The following MDGA2 variants were observed in gnomAD, a reference collection of about 807,000 sequenced individuals.
MDGA2 encodes the protein MAM domain-containing glycosylphosphatidylinositol anchor protein 2.
In MDGA2, 40 loss-of-function variants were observed where a neutral mutation model predicts 117.8. The ratio of observed to expected loss-of-function variants is 0.34; its 90% CI spans 0.26 to 0.44. The LOEUF is 0.44. Ranked by LOEUF, MDGA2 falls within the 20% of genes least tolerant of loss-of-function variation. The pLI is 1.00. For missense variants in MDGA2, 1,123 were observed against 1,250.6 expected (o/e 0.90, Z 1.54); for synonymous variants, 452 against 439.0 (o/e 1.03, Z -0.37).
intron 3 of MDGA2, among the ~76,000 whole-genome samples, chr14:47,175,308 C>T (rs1218490013): frequency 2.0e-5 from 3 of 151,806 alleles, no homozygotes; most frequent in Admixed American, 6.6e-5. Context: ...ATGAGGCCAG[C>T]ATCATCCTGA....
At chr14:47,286,353 C>G (rs1888669669) in intron 2 of MDGA2, among the ~76,000 whole-genome samples, 1 of 152,046 alleles carries the variant, frequency 6.6e-6, no homozygotes, top group Admixed American at 6.6e-5. Context: ...GTTTTACACA[C>G]TAACCAAACC....
At chr14:47,094,432 AT>A (rs1439683761) in intron 6 of MDGA2, among the ~76,000 whole-genome samples, 1 of 152,022 alleles carries the variant, frequency 6.6e-6, no homozygotes, top group Non-Finnish European at 1.5e-5. Context: ...CTAGGCACAT[AT>A]TTGTTGTTCA....
At chr14:47,528,279 C>T (rs1165456367) in intron 1 of MDGA2, among the ~76,000 whole-genome samples, 1 of 152,216 alleles carries the variant, frequency 6.6e-6, no homozygotes, top group African/African-American at 2.4e-5. Context: ...CAAATTTAAT[C>T]AGTGCTTATC....
chr14:47,609,456 T>TATATAGATATAG lies in MDGA2; in HGVS notation c.280+65060_280+65061insCTATATCTATAT, dbSNP rs1555336057. Among the ~76,000 whole-genome samples, 30 of 110,162 alleles carry TATATAGATATAG rather than the reference T, an allele frequency of 2.7e-4. 3 individuals carry two copies. Among genetic ancestry groups the TATATAGATATAG allele is most frequent in the Admixed American group, 1.5e-3 (17 of 11,184 alleles). 72.3% of individuals were successfully genotyped at this position (110,162 alleles called of 152,430 possible). ...ATATATATATATATATATATATATA[T>TATATAGATATAG]ATATATATAAGTTTCTTTATCTACT... is the stretch of plus-strand genomic sequence containing the variant. On this transcript the variant is annotated intron_variant, in intron 1 of 16. Transcript: ENST00000399232.
chr14:47,038,042 G>A (rs1454617224), intron 7 of MDGA2, among the ~76,000 whole-genome samples: 1 of 152,084 alleles, frequency 6.6e-6, no homozygotes, highest in East Asian at 1.9e-4. Flanking sequence ...TGATTGTTCT[G>A]CCTCAGCCTC....
intron 3 of MDGA2, among the ~76,000 whole-genome samples, chr14:47,166,320 C>T (rs1378695891): frequency 6.6e-6 from 1 of 152,154 alleles, no homozygotes; most frequent in Non-Finnish European, 1.5e-5. Context: ...AGGCGTGAGC[C>T]ATGGCGCCCC....
At chr14:46,972,553 T>C (rs985202836) in intron 8 of MDGA2, among the ~76,000 whole-genome samples, 1 of 152,174 alleles carries the variant, frequency 6.6e-6, no homozygotes, top group Admixed American at 6.6e-5. Context: ...ATCTCCTTTT[T>C]ATAGATAAGG....
At chr14:47,465,443 G>A (rs1893582089) in intron 1 of MDGA2, among the ~76,000 whole-genome samples, 1 of 151,774 alleles carries the variant, frequency 6.6e-6, no homozygotes, top group Non-Finnish European at 1.5e-5. Flanking sequence ...TCTGACAAAG[G>A]TCTAATATCC....
rs924397959 is a variant in MDGA2 at position 47,076,210 on chromosome 14, T to G, written c.1196-14632A>C. 3.3e-5 allele frequency among the ~76,000 whole-genome samples: 5 copies of G among 152,114 alleles called. No homozygotes were observed. The East Asian group carries it at 7.7e-4, about 23-fold the overall frequency. On this transcript the variant is annotated intron_variant, in intron 6 of 16. Transcript: ENST00000399232. ...AAACTTGTACAATATTTTTTAAGTTTAATTATAACAGATGAACTGTCTTTC... is the reference window on the plus strand; with the variant it reads ...AAACTTGTACAATATTTTTTAAGTTGAATTATAACAGATGAACTGTCTTTC...
At chr14:47,007,240 G>C (rs1467466586) in intron 8 of MDGA2, among the ~76,000 whole-genome samples, 1 of 151,704 alleles carries the variant, frequency 6.6e-6, no homozygotes, top group Non-Finnish European at 1.5e-5. Flanking sequence ...GTTATGTATT[G>C]AACAAGCAGA....
intron 2 of MDGA2, among the ~76,000 whole-genome samples, chr14:47,224,632 G>A (rs1003183177): frequency 6.6e-6 from 1 of 152,074 alleles, no homozygotes; most frequent in Non-Finnish European, 1.5e-5. Flanking sequence ...GTACTCTGAA[G>A]GAAGATCCTT....
At chr14:46,880,503 C>G (rs971461487) in intron 11 of MDGA2, among the ~76,000 whole-genome samples, 3 of 151,634 alleles carry the variant, frequency 2.0e-5, no homozygotes, top group African/African-American at 7.3e-5. Flanking sequence ...CTTTAGTATA[C>G]AGTAAAATAA....
At chr14:46,870,951 A>T (rs1232786165) in intron 14 of MDGA2, 1 of 151,982 alleles carries the variant, frequency 6.6e-6, no homozygotes, top group Non-Finnish European at 1.5e-5. Context: ...TGGTCTTGGA[A>T]ATATTTATTT....
chr14:46,857,726 C>T (rs1377021295), intron 14 of MDGA2, among the ~76,000 whole-genome samples: 4 of 152,038 alleles, frequency 2.6e-5, no homozygotes, highest in African/African-American at 9.7e-5. Flanking sequence ...GCCATGGCAC[C>T]TCACAGCAGC....
intron 1 of MDGA2, among the ~76,000 whole-genome samples, chr14:47,664,725 C>T (rs1182871103): frequency 6.6e-6 from 1 of 152,226 alleles, no homozygotes; most frequent in Non-Finnish European, 1.5e-5. Flanking sequence ...AGTGGCTGTA[C>T]ATTCGTAAAG....
intron 3 of MDGA2, among the ~76,000 whole-genome samples, chr14:47,171,805 G>C (rs142149609): frequency 1.9e-3 from 282 of 152,250 alleles, no homozygotes; most frequent in African/African-American, 6.4e-3. Flanking sequence ...CAGGACAGTG[G>C]GTGCAGCACA....
Position 46,952,844 on chromosome 14 carries a change from T to G in MDGA2, c.2089+4530A>C, listed in dbSNP as rs139686667. ...TAGAACTGAAATAGAGATTATGCTA[T>G]ATATTTTATTTTAAATATTAATGAA... On this transcript the variant is annotated intron_variant, in intron 9 of 16. Coordinates refer to ENST00000399232, the MANE Select transcript of MDGA2 (RefSeq NM_001113498.3). Among the ~76,000 whole-genome samples, 646 of 152,108 alleles carry G rather than the reference T, an allele frequency of 4.2e-3. 2 individuals carry two copies. The highest frequency in any genetic ancestry group is 0.015 in the African/African-American group (604 of 41,540).
At chr14:47,350,574 CGTGT>C (rs58312753) in intron 1 of MDGA2, among the ~76,000 whole-genome samples, 23 of 151,660 alleles carry the variant, frequency 1.5e-4, no homozygotes, top group African/African-American at 5.1e-4. Context: ...TGTGTGCACG[CGTGT>C]GTGTGTGTGC....
At chr14:46,938,117 C>T (rs1478717793) in intron 9 of MDGA2, among the ~76,000 whole-genome samples, 1 of 152,092 alleles carries the variant, frequency 6.6e-6, no homozygotes, top group Non-Finnish European at 1.5e-5. Flanking sequence ...AATATACAAT[C>T]TAATTTTTTA....
Sources: gnomAD v4.1 joint callset for allele counts (sites outside exome capture counted in the v4.1 genomes callset) on GRCh38, gnomAD v4.1.1 for gene constraint, MANE v1.5 for transcripts, NCBI Gene and HGNC (gene_info 2026-07-23, HGNC 2026-07-21) for gene names.